The following BTK variants were observed in gnomAD, a reference collection of about 807,000 sequenced individuals.
The protein encoded by BTK is tyrosine-protein kinase BTK.
Under a neutral mutation model 57.4 loss-of-function variants are expected in BTK, and 5 were observed. That is an observed-to-expected ratio of 0.09 (90% CI 0.05 to 0.18). The LOEUF (loss-of-function observed/expected upper bound fraction) is 0.18. BTK is among the 10% of genes least tolerant of loss of function. BTK has a pLI of 1.00. For synonymous variants in BTK, 154 were observed against 174.3 expected (o/e 0.88, Z 0.92); for missense variants, 194 against 501.2 (o/e 0.39, Z 5.85).
At chrX:101,383,668 T>A (rs782643016) in intron 1 of BTK, among the ~76,000 whole-genome samples, 2 of 111,706 alleles carry the variant, frequency 1.8e-5, no homozygotes, top group South Asian at 7.5e-4. Context: ...ACAGTTTGTT[T>A]TCAGTTCAGG....
chrX:101,373,324 A>T (rs781787882), intron 3 of BTK, among the ~76,000 whole-genome samples: 19 of 112,257 alleles, frequency 1.7e-4, no homozygotes, highest in Admixed American at 3.8e-4. Flanking sequence ...TGTATGCAAG[A>T]TTGTTCCTCT....
chrX:101,354,232 T>C, intron 16 of BTK: 1 of 423,969 alleles, frequency 2.4e-6, no homozygotes, highest in Admixed American at 4.1e-5. Context: ...TAGTAGGTAC[T>C]CCCTTCCTCT....
intron 18 of BTK, among the ~76,000 whole-genome samples, chrX:101,350,447 A>G: frequency 1.2e-5 from 1 of 84,451 alleles, no homozygotes; most frequent in Non-Finnish European, 2.4e-5. Context: ...AAAAAGACTA[A>G]GGTTTTTTTT....
intron 9 of BTK, 57 bp downstream of exon 9, chrX:101,360,031 T>G (rs1401926474): frequency 6.2e-6 from 3 of 480,069 alleles, no homozygotes; most frequent in East Asian, 4.5e-5. Context: ...AATATATATA[T>G]ATATAGAGAG....
chrX:101,372,205 G>A (rs1555980424), intron 3 of BTK, among the ~76,000 whole-genome samples: 1 of 111,355 alleles, frequency 9.0e-6, no homozygotes, highest in African/African-American at 3.3e-5. Context: ...ATCCCTATAT[G>A]GCAAAAAGCA....
At chrX:101,381,963 C>T (rs992713178) in intron 1 of BTK, among the ~76,000 whole-genome samples, 1 of 103,176 alleles carries the variant, frequency 9.7e-6, no homozygotes, top group African/African-American at 3.6e-5. Flanking sequence ...ACCCAGGAGG[C>T]GGAGGTTGCA....
chrX:101,383,122 T>C (rs1555982025), intron 1 of BTK, among the ~76,000 whole-genome samples: 1 of 112,208 alleles, frequency 8.9e-6, no homozygotes, highest in Non-Finnish European at 1.9e-5. Flanking sequence ...ATCGGCATAT[T>C]CCTTCCATTT....
chrX:101,372,421 G>C (rs782695366), intron 3 of BTK, among the ~76,000 whole-genome samples: 1 of 110,300 alleles, frequency 9.1e-6, no homozygotes, highest in African/African-American at 3.3e-5. Flanking sequence ...ATGAGTAAAA[G>C]AAATTGCAAA....
chrX:101,362,359 G>C, intron 6 of BTK, 119 bp from the exon 7 acceptor site: 2 of 998,480 alleles, frequency 2.0e-6, no homozygotes, highest in Non-Finnish European at 2.8e-6. Flanking sequence ...AGAAAAAGTA[G>C]CTAGGCATGC....
At chrX:101,377,880 T>C (rs1555981255) in intron 1 of BTK, 1 of 111,476 alleles carries the variant, frequency 9.0e-6, no homozygotes, top group Non-Finnish European at 1.9e-5. Context: ...GCTTTTCTCC[T>C]GTTTCTTATG....
At chrX:101,374,768 A>C in intron 2 of BTK, 134 bp from the exon 3 acceptor site, 2 of 569,098 alleles carry the variant, frequency 3.5e-6, no homozygotes, top group Admixed American at 5.4e-5. Flanking sequence ...AAGAAAAAAA[A>C]ATCCTTCCAG....
intron 10 of BTK, 145 bp from the exon 11 acceptor site, chrX:101,358,841 A>C: frequency 1.8e-6 from 1 of 545,003 alleles, no homozygotes; most frequent in Non-Finnish European, 3.2e-6. Context: ...ATTGCTTTTA[A>C]TATTAAAAGG....
Position 101,353,221 on chromosome X carries a change from A to G in BTK, c.1881T>C (p.Tyr627=). The G allele has an allele frequency of 8.3e-7, 1 of 1,211,092 alleles. No individual in the cohort carries two copies. Among genetic ancestry groups the G allele is most frequent in the Middle Eastern group, 2.3e-4 (1 of 4,351 alleles). The change falls in exon 18 of 19, where the codon TAT becomes TAC. Residue 627 remains tyrosine (Y), a synonymous_variant. Transcript: ENST00000308731. ...CATGCCAGCAACTGTACATGATGGT[A>G]TATACCTTCTCTGAAGCCAGATGAG... The part of the protein sequence containing the change: ...YRPHLASEKV[Y]TIMYSCWHEK...
chrX:101,369,916 T>A (rs1926971062), intron 5 of BTK, 82 bp downstream of exon 5: 1 of 919,999 alleles, frequency 1.1e-6, no homozygotes, highest in African/African-American at 2.0e-5. Flanking sequence ...CTCTCTTCCT[T>A]CTTTCCTTTT....
At chrX:101,368,424 CTA>C (rs1288434834) in intron 5 of BTK, among the ~76,000 whole-genome samples, 2 of 112,079 alleles carry the variant, frequency 1.8e-5, no homozygotes, top group Admixed American at 9.5e-5. Context: ...CAGCGCAAAA[CTA>C]TGCAATGAGC....
upstream of BTK, chrX:101,390,785 T>A: frequency 2.1e-6 from 1 of 483,708 alleles, no homozygotes; most frequent in Middle Eastern, 4.1e-4. Flanking sequence ...CCAAAAGAGA[T>A]AAAGTGACGA....
At chrX:101,371,517 C>A (rs1927032678) in intron 4 of BTK, 116 bp downstream of exon 4, 2 of 639,962 alleles carry the variant, frequency 3.1e-6, no homozygotes, top group Non-Finnish European at 5.3e-6. Context: ...GCATCCTTGT[C>A]CACCTCAACT....
At chrX:101,379,380 A>G (rs782653715) in intron 1 of BTK, among the ~76,000 whole-genome samples, 1 of 111,555 alleles carries the variant, frequency 9.0e-6, no homozygotes, top group East Asian at 2.8e-4. Context: ...TTGGCTAGGA[A>G]GATTCTGGCC....
chrX:101,363,661 G>A (rs955011114), intron 5 of BTK, among the ~76,000 whole-genome samples: 5 of 105,098 alleles, frequency 4.8e-5, no homozygotes, highest in African/African-American at 1.0e-4. Flanking sequence ...AGCCGAGATC[G>A]CGCCACTGCA....
Sources: gnomAD v4.1 joint callset for allele counts (sites outside exome capture counted in the v4.1 genomes callset) on GRCh38, gnomAD v4.1.1 for gene constraint, MANE v1.5 for transcripts, NCBI Gene and HGNC (gene_info 2026-07-23, HGNC 2026-07-21) for gene names.